Variants in SLC9A9 observed in about 807,000 individuals in gnomAD.
SLC9A9 encodes the protein solute carrier family 9 member A9, also known as sodium/hydrogen exchanger 9.
SLC9A9 carries 62 observed loss-of-function variants against 77.8 expected under a neutral mutation model. The observed-to-expected ratio is 0.80, with a 90% CI of 0.65 to 0.98. The LOEUF is 0.98. Among genes scored for constraint, SLC9A9 ranks in the 50% least tolerant of loss-of-function variants. The probability of loss-of-function intolerance (pLI) is 0.00; values close to 1 mark genes in which losing one functional copy is unlikely to be tolerated. For missense variants in SLC9A9, 775 were observed against 774.9 expected (o/e 1.00, Z 0.00); for synonymous variants, 320 against 283.5 (o/e 1.13, Z -1.29).
chr3:143,668,428 T>C (rs544217578), intron 5 of SLC9A9, among the ~76,000 whole-genome samples: 1 of 152,042 alleles, frequency 6.6e-6, no homozygotes, highest in African/African-American at 2.4e-5. Flanking sequence ...CATGTATACA[T>C]ATTTAACAAT....
At chr3:143,352,785 C>G (rs1396869055) in intron 14 of SLC9A9, among the ~76,000 whole-genome samples, 1 of 152,094 alleles carries the variant, frequency 6.6e-6, no homozygotes, top group African/African-American at 2.4e-5. Flanking sequence ...CATTTTTATC[C>G]ACACAGAAAA....
chr3:143,310,669 T>G (rs1387217869), intron 14 of SLC9A9, among the ~76,000 whole-genome samples: 1 of 152,172 alleles, frequency 6.6e-6, no homozygotes, highest in Non-Finnish European at 1.5e-5. Context: ...GAATAGGATG[T>G]GTAGGTAGAT....
intron 7 of SLC9A9, among the ~76,000 whole-genome samples, chr3:143,576,722 C>T (rs546583400): frequency 6.6e-6 from 1 of 152,284 alleles, no homozygotes; most frequent in African/African-American, 2.4e-5. Flanking sequence ...CTAAGCTTCA[C>T]ATCCAATAAA....
chr3:143,476,047 G>A (rs1193088437), intron 11 of SLC9A9, among the ~76,000 whole-genome samples: 2 of 121,742 alleles, frequency 1.6e-5, no homozygotes, highest in Non-Finnish European at 4.1e-5. Flanking sequence ...ATCAAACCCT[G>A]GTTTGGGTCT....
intron 12 of SLC9A9, among the ~76,000 whole-genome samples, chr3:143,432,681 G>A (rs375352942): frequency 3.9e-5 from 6 of 152,316 alleles, no homozygotes; most frequent in African/African-American, 1.4e-4. Flanking sequence ...AGGCTGGAGT[G>A]CAGTGGCGTG....
intron 8 of SLC9A9, among the ~76,000 whole-genome samples, chr3:143,572,221 T>A (rs1418862263): frequency 6.6e-6 from 1 of 152,102 alleles, no homozygotes; most frequent in Non-Finnish European, 1.5e-5. Flanking sequence ...TTTAATGTAG[T>A]TGATAGAAGA....
Position 143,517,463 on chromosome 3 carries a change from T to G in SLC9A9, c.1090-22015A>C. On this transcript the variant is annotated intron_variant, in intron 9 of 15. Transcript: ENST00000316549. ...GGCTCTCTCATGCTCCTCTTGAGCCTTCTTAACTCGTTCTGTTCTTTCTTT... is the reference window on the plus strand; with the variant it reads ...GGCTCTCTCATGCTCCTCTTGAGCCGTCTTAACTCGTTCTGTTCTTTCTTT... 27 of 1,597,816 alleles carry G rather than the reference T, an allele frequency of 1.7e-5. No homozygotes were observed. The South Asian group carries it at 2.7e-4, about 16-fold the overall frequency.
chr3:143,546,886 C>T (rs975980282), intron 9 of SLC9A9, among the ~76,000 whole-genome samples: 5 of 152,202 alleles, frequency 3.3e-5, no homozygotes, highest in African/African-American at 9.7e-5. Flanking sequence ...AGCAAAACTC[C>T]GTTGAAGGAC....
chr3:143,692,947 A>C (rs1221176176), intron 5 of SLC9A9, among the ~76,000 whole-genome samples: 1 of 152,206 alleles, frequency 6.6e-6, no homozygotes, highest in Non-Finnish European at 1.5e-5. Flanking sequence ...CTTATTCTAG[A>C]GAAATAAATT....
Position 143,649,888 on chromosome 3 carries a change from G to A in SLC9A9, c.755+2367C>T, listed in dbSNP as rs1039758138. 3.3e-5 allele frequency among the ~76,000 whole-genome samples: 5 copies of A among 151,310 alleles called. 1 individual carries two copies. The East Asian group carries it at 9.6e-4, about 29-fold the overall frequency. On this transcript the variant is annotated intron_variant, in intron 6 of 15. Transcript: ENST00000316549. The stretch of plus-strand genomic sequence containing the variant: ...CCACGCAAAGATGGAACTAAGAGAG[G>A]GACAACACAAAAGAGATTTTCATTT...
intron 2 of SLC9A9, among the ~76,000 whole-genome samples, chr3:143,799,707 A>G (rs937927720): frequency 1.3e-5 from 2 of 152,174 alleles, no homozygotes; most frequent in East Asian, 1.9e-4. Flanking sequence ...ACTCTGGCCC[A>G]AGGCTCTCTG....
In SLC9A9 at chr3:143,266,823, C is replaced by T. The variant is rs2108393440; in HGVS notation, c.1817G>A (p.Gly606Asp). Residue 606 changes from glycine (G) to aspartate (D), a missense_variant, in exon 16 of 16, where the codon GGT (glycine) becomes GAT (aspartate). Coordinates refer to ENST00000316549, the MANE Select transcript of SLC9A9 (RefSeq NM_173653.4). ...SSPCSPPARL[G>D]LDQKASPQTP... ...CTGGGGTGAAGCTTTCTGGTCCAGA[C>T]CTAGCCTTGCAGGAGGACTGCAGGG... The T allele has an allele frequency of 6.2e-7, 1 of 1,614,136 alleles. No homozygotes were observed. Among genetic ancestry groups the T allele is most frequent in the East Asian group, 2.2e-5 (1 of 44,872 alleles).
intron 8 of SLC9A9, among the ~76,000 whole-genome samples, chr3:143,559,937 C>G (rs1488154901): frequency 6.6e-6 from 1 of 152,184 alleles, no homozygotes; most frequent in Admixed American, 6.5e-5. Context: ...CCCACTCCCT[C>G]TCTCCTTCTC....
intron 12 of SLC9A9, among the ~76,000 whole-genome samples, chr3:143,417,434 G>T (rs1055055035): frequency 4.6e-5 from 7 of 150,898 alleles, no homozygotes; most frequent in Admixed American, 2.0e-4. Flanking sequence ...TGGTAGGACT[G>T]GTGTCCTTAT....
At chr3:143,848,007 A>G in intron 1 of SLC9A9, 141 bp downstream of exon 1, 1 of 885,636 alleles carries the variant, frequency 1.1e-6, no homozygotes, top group South Asian at 1.5e-5. Context: ...AGCATTCGTT[A>G]CGCTGCAGCA....
intron 12 of SLC9A9, among the ~76,000 whole-genome samples, chr3:143,400,340 T>A (rs1439238005): frequency 2.0e-5 from 3 of 152,132 alleles, no homozygotes; most frequent in South Asian, 2.1e-4. Context: ...TAATTCATGC[T>A]CTACTACTCA....
At chr3:143,803,752 A>G (rs1375008535) in intron 2 of SLC9A9, among the ~76,000 whole-genome samples, 1 of 152,026 alleles carries the variant, frequency 6.6e-6, no homozygotes, top group African/African-American at 2.4e-5. Flanking sequence ...TCCTTAGCAA[A>G]CAATTGCTGG....
Position 143,804,140 on chromosome 3 carries a change from A to C in SLC9A9, c.379-7237T>G, listed in dbSNP as rs533466277. Among the ~76,000 whole-genome samples, 371 of 152,266 alleles carry C rather than the reference A, an allele frequency of 2.4e-3. 2 individuals carry two copies. Among genetic ancestry groups the C allele is most frequent in the African/African-American group, 8.1e-3 (337 of 41,522 alleles). On this transcript the variant is annotated intron_variant, in intron 2 of 15. Coordinates refer to ENST00000316549, the MANE Select transcript of SLC9A9 (RefSeq NM_173653.4). ...CGATGTTCCTTCACTCTTCATCTCC[A>C]AAGCCCAACTACACACATCACTGAA...
rs528128501 is a variant in SLC9A9, at chr3:143,523,640, T to A, written c.1090-28192A>T. ...ATGTAAAATTGGAGAATTTAATACC[T>A]ACTGTGCAAACTTGTTATATACTTC... On this transcript the variant is annotated intron_variant, in intron 9 of 15. Coordinates refer to ENST00000316549, the MANE Select transcript of SLC9A9 (RefSeq NM_173653.4). 1.1e-3 allele frequency among the ~76,000 whole-genome samples: 163 copies of A among 152,286 alleles called. 1 individual carries two copies. The highest frequency in any genetic ancestry group is 3.8e-3 in the African/African-American group (157 of 41,554).
Sources: gnomAD v4.1 joint callset for allele counts (sites outside exome capture counted in the v4.1 genomes callset) on GRCh38, gnomAD v4.1.1 for gene constraint, MANE v1.5 for transcripts, NCBI Gene and HGNC (gene_info 2026-07-23, HGNC 2026-07-21) for gene names.